ERCC6L: variants seen among roughly 807,000 people sequenced by gnomAD.
ERCC6L encodes the protein DNA excision repair protein ERCC-6-like.
Under a neutral mutation model 20.1 loss-of-function variants are expected in ERCC6L, and 7 were observed. The ratio of observed to expected loss-of-function variants is 0.35; its 90% CI spans 0.20 to 0.65. The LOEUF is 0.65. ERCC6L is among the 30% of genes least tolerant of loss of function. The pLI is 0.69. For missense variants in ERCC6L, 592 were observed against 892.4 expected (o/e 0.66, Z 4.29); for synonymous variants, 278 against 331.3 (o/e 0.84, Z 1.75).
At chrX:72,221,304 T>C (rs1206796078) in intron 1 of ERCC6L, among the ~76,000 whole-genome samples, 1 of 112,094 alleles carries the variant, frequency 8.9e-6, no homozygotes, top group Non-Finnish European at 1.9e-5. Context: ...TCTGGCTTTC[T>C]CACGGTACCA....
intron 1 of ERCC6L, among the ~76,000 whole-genome samples, chrX:72,211,989 C>G (rs1200236710): frequency 9.0e-6 from 1 of 111,144 alleles, no homozygotes; most frequent in Non-Finnish European, 1.9e-5. Context: ...AAAATCATCT[C>G]TGTGGCTGGG....
chrX:72,238,268 A>T (rs1195015587), intron 1 of ERCC6L, among the ~76,000 whole-genome samples: 1 of 111,569 alleles, frequency 9.0e-6, no homozygotes, highest in Non-Finnish European at 1.9e-5. Flanking sequence ...CAACATTACC[A>T]CGCCCCCCAC....
intron 1 of ERCC6L, among the ~76,000 whole-genome samples, chrX:72,228,390 T>C (rs1342305456): frequency 1.8e-5 from 2 of 111,697 alleles, no homozygotes; most frequent in African/African-American, 6.5e-5. Flanking sequence ...CTCCAGGGAC[T>C]CCCCAACTGG....
intron 1 of ERCC6L, among the ~76,000 whole-genome samples, chrX:72,235,540 C>T (rs913461542): frequency 5.4e-5 from 6 of 110,625 alleles, no homozygotes; most frequent in Non-Finnish European, 7.6e-5. Flanking sequence ...GGATTACAGG[C>T]GTGTACCACC....
intron 1 of ERCC6L, among the ~76,000 whole-genome samples, chrX:72,214,445 G>A (rs1348122082): frequency 9.0e-6 from 1 of 111,143 alleles, no homozygotes; most frequent in Admixed American, 9.6e-5. Flanking sequence ...AGGCCGAGGC[G>A]GTTGGATCAC....
chrX:72,229,399 T>A (rs1303113903), intron 1 of ERCC6L, among the ~76,000 whole-genome samples: 2 of 111,869 alleles, frequency 1.8e-5, no homozygotes, highest in African/African-American at 6.5e-5. Flanking sequence ...TTTCCATGGC[T>A]CAATATCAAT....
chrX:72,207,585 T>C lies in ERCC6L; in HGVS notation c.1182A>G (p.Leu394=), dbSNP rs1354037504. 5 of 1,209,814 alleles carry C rather than the reference T, an allele frequency of 4.1e-6. No homozygotes were observed. The highest frequency in any genetic ancestry group is 1.1e-6 in the Non-Finnish European group (1 of 895,198). The change falls in exon 2 of 2, where the codon CTA becomes CTG. Residue 394 remains leucine (L), a synonymous_variant. Coordinates refer to ENST00000334463, the MANE Select transcript of ERCC6L (RefSeq NM_017669.4). The part of the protein sequence containing the change: ...FVSLDHIKEL[L]METRSPLAEL... ...CAGCCAAAGGTGAGCGCGTCTCCAT[T>C]AGCAACTCCTTGATATGATCTAAAG...
chrX:72,215,446 T>C (rs1024811091), intron 1 of ERCC6L, among the ~76,000 whole-genome samples: 4 of 112,067 alleles, frequency 3.6e-5, no homozygotes, highest in African/African-American at 1.3e-4. Context: ...CTGAAGTGTT[T>C]AGGGGGAAGT....
At position 72,208,456 on chromosome X, in the gene ERCC6L, A is replaced by G. The variant is rs1184771212; in HGVS notation, c.311T>C (p.Ile104Thr). ...CCTATACAGGCTATAGAGGAAAGCTATGCCTTCCTTCTGGTGCTCAAAGAG... is the reference window on the plus strand; with the variant it reads ...CCTATACAGGCTATAGAGGAAAGCTGTGCCTTCCTTCTGGTGCTCAAAGAG... Reference protein sequence around the residue: ...NQLFEHQKEGIAFLYSLYRDG... With the variant: ...NQLFEHQKEGTAFLYSLYRDG... Residue 104 changes from isoleucine (I) to threonine (T), a missense_variant, in exon 2 of 2, where the codon ATA becomes ACA. Ile to Thr is a moderately conservative substitution (Grantham distance 89, BLOSUM62 -1). Around this residue, in one of 3 missense-constraint regions of ERCC6L, gnomAD observed 196 missense variants for 440.1 expected, o/e 0.45. Coordinates refer to ENST00000334463, the MANE Select transcript of ERCC6L (RefSeq NM_017669.4). The G allele has an allele frequency of 2.5e-6, 3 of 1,211,155 alleles. No individual in the cohort carries two copies. Among genetic ancestry groups the G allele is most frequent in the East Asian group, 3.0e-5 (1 of 33,837 alleles).
chrX:72,225,314 A>G (rs2042947922), intron 1 of ERCC6L, among the ~76,000 whole-genome samples: 1 of 112,027 alleles, frequency 8.9e-6, no homozygotes, highest in African/African-American at 3.2e-5. Context: ...AGGCACTTCA[A>G]TTAGACCTCT....
At chrX:72,235,389 C>CT (rs144267277) in intron 1 of ERCC6L, among the ~76,000 whole-genome samples, 19,127 of 68,389 alleles carry the variant, frequency 0.28, 3,942 homozygotes, top group East Asian at 0.9. Context: ...CCCTCTTCCA[C>CT]TTTTTTTTTT....
chrX:72,204,916 A>T lies in ERCC6L; in HGVS notation c.*98T>A. ...TGCTTTTTGAGATCTTTCTTGCCTT[A>T]AGCCTGAATGCTTCATGTTCCCAAA... is the stretch of plus-strand genomic sequence containing the variant. On this transcript the variant is annotated 3_prime_UTR_variant, in exon 2 of 2. Coordinates refer to ENST00000334463, the MANE Select transcript of ERCC6L (RefSeq NM_017669.4). 1 of 791,308 alleles carries T rather than the reference A, an allele frequency of 1.3e-6. No individual in the cohort carries two copies. The highest frequency in any genetic ancestry group is 1.8e-6 in the Non-Finnish European group (1 of 569,954). The allele number at this position is 791,308 out of a possible 1,213,427, so 65.2% of individuals were successfully genotyped here. A position where few individuals can be genotyped will look rare whatever the true frequency, so the allele number is the denominator to read the frequency against.
chrX:72,208,780 C>G, intron 1 of ERCC6L, 82 bp from the exon 2 acceptor site: 1 of 794,805 alleles, frequency 1.3e-6, no homozygotes, highest in Non-Finnish European at 1.8e-6. Flanking sequence ...TTTTAGAATC[C>G]AAACTGCAGC....
Position 72,207,477 on chromosome X carries a change from G to T in ERCC6L, c.1290C>A (p.Phe430Leu). 4.1e-6 allele frequency: 5 copies of T among 1,210,514 alleles called. No homozygotes were observed. Among genetic ancestry groups the T allele is most frequent in the Non-Finnish European group, 5.6e-6 (5 of 894,621 alleles). The change falls in exon 2 of 2, where the codon TTC becomes TTA. Residue 430 changes from phenylalanine to leucine, a missense_variant. This residue lies in a region of ERCC6L where 196 missense variants were observed against 440.1 expected (regional missense o/e 0.45). Coordinates refer to ENST00000334463, the MANE Select transcript of ERCC6L (RefSeq NM_017669.4). ...CCCCCTCATTTCCATCTTGAGCAGA[G>T]AATGTCCCAAGATTTAGCAAACAAC... The part of the protein sequence containing the change: ...RACCLLNLGT[F>L]SAQDGNEGED...
Position 72,205,665 on chromosome X carries a change from ATCT to A in ERCC6L, c.3099_3101del (p.Glu1033del). 8.3e-7 allele frequency: 1 copy of A among 1,211,783 alleles called. No homozygotes were observed. Among genetic ancestry groups the A allele is most frequent in the Non-Finnish European group, 1.1e-6 (1 of 895,522 alleles). ...TGCTTGAGGTATCTTTAAAAGAATCATCTTCATCTTCGCCATCTGAAACAATCC... is the reference window on the plus strand; with the variant it reads ...TGCTTGAGGTATCTTTAAAAGAATCATCATCTTCGCCATCTGAAACAATCC... On this transcript the variant is annotated inframe_deletion, in exon 2 of 2. Coordinates refer to ENST00000334463, the MANE Select transcript of ERCC6L (RefSeq NM_017669.4).
At position 72,206,467 on chromosome X, in the gene ERCC6L, T is replaced by C. The variant is rs2042821051; in HGVS notation, c.2300A>G (p.Asp767Gly). 1.7e-6 allele frequency: 2 copies of C among 1,211,332 alleles called. No individual in the cohort carries two copies. The highest frequency in any genetic ancestry group is 2.2e-6 in the Non-Finnish European group (2 of 895,348). ...TACACTTGCCATTTTGGAACTGATA[T>C]CTTCTTCCTGAGTATGATGAGTACT... ...LLSTHHTQEE[D>G]ISSKMASVVI... Residue 767 changes from aspartate to glycine, a missense_variant, in exon 2 of 2, where the codon GAT becomes GGT. Around this residue, in one of 3 missense-constraint regions of ERCC6L, gnomAD observed 352 missense variants for 402.6 expected, o/e 0.87. Coordinates refer to ENST00000334463, the MANE Select transcript of ERCC6L (RefSeq NM_017669.4).
At chrX:72,234,504 A>G (rs771547101) in intron 1 of ERCC6L, among the ~76,000 whole-genome samples, 1 of 112,227 alleles carries the variant, frequency 8.9e-6, no homozygotes, top group Non-Finnish European at 1.9e-5. Context: ...AAGTGTAGAC[A>G]ATGATATGAC....
At chrX:72,220,173 A>G (rs763873066) in intron 1 of ERCC6L, among the ~76,000 whole-genome samples, 2 of 110,461 alleles carry the variant, frequency 1.8e-5, no homozygotes, top group South Asian at 3.8e-4. Context: ...TGATATGTCT[A>G]TTATCAAGCA....
chrX:72,234,883 A>T (rs2043007290), intron 1 of ERCC6L, among the ~76,000 whole-genome samples: 1 of 111,516 alleles, frequency 9.0e-6, no homozygotes, highest in Non-Finnish European at 1.9e-5. Flanking sequence ...AGAAGGCATG[A>T]AACAGGCATC....
Sources: gnomAD v4.1 joint callset for allele counts (sites outside exome capture counted in the v4.1 genomes callset) on GRCh38, gnomAD v4.1.1 for gene constraint, gnomAD v4.1.1 regional missense constraint, MANE v1.5 for transcripts, NCBI Gene and HGNC (gene_info 2026-07-23, HGNC 2026-07-21) for gene names.